The following PRKCA variants were observed in gnomAD, a reference collection of about 807,000 sequenced individuals.
PRKCA encodes protein kinase C alpha type.
PRKCA carries 27 observed loss-of-function variants against 87.0 expected under a neutral mutation model. That is an observed-to-expected ratio of 0.31 (90% CI 0.23 to 0.43). PRKCA has a LOEUF of 0.43. Ranked by LOEUF, PRKCA falls within the 20% of genes least tolerant of loss-of-function variation. The probability of loss-of-function intolerance (pLI) is 1.00; values close to 1 mark genes in which losing one functional copy is unlikely to be tolerated. For synonymous variants in PRKCA, 329 were observed against 311.1 expected (o/e 1.06, Z -0.61); for missense variants, 518 against 852.3 (o/e 0.61, Z 4.88).
chr17:66,722,850 C>G (rs2144166197), intron 8 of PRKCA, among the ~76,000 whole-genome samples: 1 of 152,320 alleles, frequency 6.6e-6, no homozygotes, highest in East Asian at 1.9e-4. Context: ...AAAGAGCATG[C>G]TACAGCTTCT....
At chr17:66,786,657 G>A (rs1301505989) in intron 14 of PRKCA, among the ~76,000 whole-genome samples, 1 of 152,082 alleles carries the variant, frequency 6.6e-6, no homozygotes, top group Admixed American at 6.5e-5. Context: ...GATAATTAAC[G>A]AGACAGAGGG....
At chr17:66,349,752 A>G (rs1907622990) in intron 2 of PRKCA, among the ~76,000 whole-genome samples, 1 of 152,122 alleles carries the variant, frequency 6.6e-6, no homozygotes, top group Non-Finnish European at 1.5e-5. Flanking sequence ...CCTGGCTCCC[A>G]AAAACTGCTC....
At position 66,492,704 on chromosome 17, in the gene PRKCA, A is replaced by G. The variant is rs139836692; in HGVS notation, c.206-3497A>G. Among the ~76,000 whole-genome samples, 1,033 of 152,346 alleles carry G rather than the reference A, an allele frequency of 6.8e-3. 13 individuals carry two copies. The highest frequency in any genetic ancestry group is 8.3e-3 in the Non-Finnish European group (567 of 68,034). ...CTGTGTGCCTGGGGAGAGAGAGCAG[A>G]TCAGATTAATTTGTGCCATCACAGC... On this transcript the variant is annotated intron_variant, in intron 2 of 16. Coordinates refer to ENST00000413366, the MANE Select transcript of PRKCA (RefSeq NM_002737.3).
rs946251140 is a variant in PRKCA at position 66,392,315 on chromosome 17, G to A, written c.205+86188G>A. 7.2e-5 allele frequency among the ~76,000 whole-genome samples: 11 copies of A among 152,174 alleles called. No individual in the cohort carries two copies. The South Asian group carries it at 1.0e-3, about 14-fold the overall frequency. On this transcript the variant is annotated intron_variant, in intron 2 of 16. Transcript: ENST00000413366. ...GGAAAAGTTACTTTCCAAAAAAAAT[G>A]GAAACAATTAGAAATGGTTTCTTTG...
intron 3 of PRKCA, among the ~76,000 whole-genome samples, chr17:66,503,401 C>G (rs1005384171): frequency 6.6e-6 from 1 of 152,082 alleles, no homozygotes. Flanking sequence ...CTGAAGCCTG[C>G]CAGAATGTTT....
intron 8 of PRKCA, among the ~76,000 whole-genome samples, chr17:66,722,587 A>C (rs539366697): frequency 6.6e-6 from 1 of 152,350 alleles, no homozygotes; most frequent in East Asian, 1.9e-4. Flanking sequence ...TAATAGCTTC[A>C]GTGATTGCAA....
intron 3 of PRKCA, among the ~76,000 whole-genome samples, chr17:66,569,213 T>C (rs946652717): frequency 6.6e-6 from 1 of 152,014 alleles, no homozygotes; most frequent in Non-Finnish European, 1.5e-5. Context: ...GAATGAAAGG[T>C]AGACTGGTAT....
At chr17:66,663,426 G>A (rs1203558201) in intron 5 of PRKCA, among the ~76,000 whole-genome samples, 1 of 152,224 alleles carries the variant, frequency 6.6e-6, no homozygotes, top group Non-Finnish European at 1.5e-5. Flanking sequence ...GGTTATTTCA[G>A]TTCGGTTTAG....
At chr17:66,592,343 C>CAAAAAAAAAAAAAAAAAAAAAAAA (rs71160581) in intron 3 of PRKCA, among the ~76,000 whole-genome samples, 3 of 82,362 alleles carry the variant, frequency 3.6e-5, no homozygotes, top group African/African-American at 1.7e-4. Context: ...TGATCCGTCT[C>CAAAAAAAAAAAAAAAAAAAAAAAA]AAAAAAAAAA....
intron 2 of PRKCA, among the ~76,000 whole-genome samples, chr17:66,446,464 C>G (rs889617162): frequency 4.6e-5 from 7 of 152,210 alleles, no homozygotes; most frequent in African/African-American, 1.7e-4. Context: ...GTCTTCTGTC[C>G]AGACCCAGAA....
At position 66,563,951 on chromosome 17, in the gene PRKCA, T is replaced by TTTCCTTCCTTCCTTCC. The variant is rs202204103; in HGVS notation, c.288+67706_288+67721dup. 7.1e-3 allele frequency among the ~76,000 whole-genome samples: 966 copies of TTTCCTTCCTTCCTTCC among 136,644 alleles called. 8 individuals are homozygous for TTTCCTTCCTTCCTTCC. Among genetic ancestry groups the TTTCCTTCCTTCCTTCC allele is most frequent in the Non-Finnish European group, 8.1e-3 (512 of 63,342 alleles). 89.6% of individuals were successfully genotyped at this position (136,644 alleles called of 152,430 possible). ...TAAAAATTGTTGTACTTGTTTCTTC[T>TTTCCTTCCTTCCTTCC]TTCCTTCCTTCCTTCCTTCCTTCCT... On this transcript the variant is annotated intron_variant, in intron 3 of 16. Coordinates refer to ENST00000413366, the MANE Select transcript of PRKCA (RefSeq NM_002737.3).
intron 13 of PRKCA, among the ~76,000 whole-genome samples, chr17:66,757,403 C>G (rs890827328): frequency 3.3e-5 from 5 of 152,022 alleles, no homozygotes; most frequent in African/African-American, 1.2e-4. Context: ...CCAGGAAGCT[C>G]AAATGACACA....
intron 2 of PRKCA, among the ~76,000 whole-genome samples, chr17:66,421,682 G>A (rs762963416): frequency 3.3e-5 from 5 of 150,112 alleles, no homozygotes; most frequent in Admixed American, 2.0e-4. Flanking sequence ...ACAGGCACCC[G>A]CCACCAGGCC....
chr17:66,746,354 A>G (rs1485075469), intron 13 of PRKCA, among the ~76,000 whole-genome samples: 1 of 151,148 alleles, frequency 6.6e-6, no homozygotes. Flanking sequence ...TTTCCTCATA[A>G]GTGTTCAGTA....
At chr17:66,350,222 G>A (rs1907656915) in intron 2 of PRKCA, among the ~76,000 whole-genome samples, 3 of 151,976 alleles carry the variant, frequency 2.0e-5, no homozygotes, top group Admixed American at 1.3e-4. Context: ...GTTGGAAAAC[G>A]AGCTTGGATG....
intron 2 of PRKCA, among the ~76,000 whole-genome samples, chr17:66,490,117 A>G (rs1325870542): frequency 3.9e-5 from 6 of 152,132 alleles, no homozygotes. Context: ...GAACTCAATT[A>G]TGAACACAAG....
chr17:66,533,393 C>G (rs756887865), intron 3 of PRKCA, among the ~76,000 whole-genome samples: 2 of 152,212 alleles, frequency 1.3e-5, no homozygotes, highest in Non-Finnish European at 2.9e-5. Context: ...TTTACTGCAT[C>G]CCTTTTTGGA....
At position 66,803,575 on chromosome 17, in the gene PRKCA, G is replaced by A. The variant is rs1032933184; in HGVS notation, c.1855-298G>A. On this transcript the variant is annotated intron_variant, in intron 16 of 16. Transcript: ENST00000413366. This position sits in a 1 kb window ranked among gnomAD's most constrained non-coding sequence, Gnocchi z 4.4. ...TCCGTGCTCTCAGCTCCGCTTGCTCGGTGAGGTGGACGTGAGGGGACAGGG... is the reference window on the plus strand; with the variant it reads ...TCCGTGCTCTCAGCTCCGCTTGCTCAGTGAGGTGGACGTGAGGGGACAGGG... Among the ~76,000 whole-genome samples the A allele has an allele frequency of 2.6e-5, 4 of 152,164 alleles. No individual in the cohort carries two copies.
intron 3 of PRKCA, among the ~76,000 whole-genome samples, chr17:66,617,933 T>C (rs1474033622): frequency 6.6e-6 from 1 of 152,194 alleles, no homozygotes; most frequent in African/African-American, 2.4e-5. Context: ...TAGAAACACA[T>C]TGTGTCATGA....
Sources: gnomAD v4.1 joint callset for allele counts (sites outside exome capture counted in the v4.1 genomes callset) on GRCh38, gnomAD v4.1.1 for gene constraint, Gnocchi (gnomAD v3.1) non-coding constraint, MANE v1.5 for transcripts, NCBI Gene and HGNC (gene_info 2026-07-23, HGNC 2026-07-21) for gene names.